The following WDR12 variants were observed in gnomAD, a reference collection of about 807,000 sequenced individuals.
WDR12 encodes the protein WD repeat domain 12.
Under a neutral mutation model 64.3 loss-of-function variants are expected in WDR12, and 42 were observed. The observed-to-expected ratio is 0.65, with a 90% CI of 0.51 to 0.84. The LOEUF (loss-of-function observed/expected upper bound fraction) is 0.84, where lower values mean the gene tolerates loss of function less well. WDR12 is among the 40% of genes least tolerant of loss of function. WDR12 has a pLI of 0.00. For synonymous variants in WDR12, 158 were observed against 173.3 expected (o/e 0.91, Z 0.70); for missense variants, 469 against 494.6 (o/e 0.95, Z 0.49).
chr2:202,911,066 G>A (rs995495331), intron 1 of WDR12, among the ~76,000 whole-genome samples: 8 of 152,036 alleles, frequency 5.3e-5, no homozygotes, highest in Admixed American at 5.2e-4. Context: ...GAGACCACTG[G>A]TTAAAATGTT....
Position 202,884,538 on chromosome 2 carries a change from AG to A in WDR12, c.742-4del. On this transcript the variant is annotated splice_region_variant and splice_polypyrimidine_tract_variant and intron_variant, in intron 8 of 12. Transcript: ENST00000261015. ...CCAGAGAGGGTCACTATGGGAGTCTAGAAAGGAAGAACCCCAAAAGGGGAAA... is the reference window on the plus strand; with the variant it reads ...CCAGAGAGGGTCACTATGGGAGTCTAAAAGGAAGAACCCCAAAAGGGGAAA... 1.2e-6 allele frequency: 2 copies of A among 1,601,928 alleles called. No homozygotes were observed. The highest frequency in any genetic ancestry group is 1.7e-6 in the Non-Finnish European group (2 of 1,177,100).
chr2:202,891,504 G>T (rs988058087), intron 8 of WDR12, among the ~76,000 whole-genome samples: 1 of 152,172 alleles, frequency 6.6e-6, no homozygotes, highest in Non-Finnish European at 1.5e-5. Context: ...GTAAGTGCCA[G>T]ATCTTTCCTC....
chr2:202,895,892 A>C, intron 6 of WDR12, 173 bp downstream of exon 6: 2 of 678,790 alleles, frequency 2.9e-6, no homozygotes, highest in Non-Finnish European at 4.7e-6. Context: ...ATTCAAACTG[A>C]GCAAGTGACT....
chr2:202,899,041 T>G (rs1211783905), intron 4 of WDR12, among the ~76,000 whole-genome samples: 7 of 128,202 alleles, frequency 5.5e-5, no homozygotes, highest in East Asian at 2.2e-4. Flanking sequence ...GGTTTTTTTT[T>G]TTTTTTTTTT....
At chr2:202,884,175 C>A (rs201646386) in intron 10 of WDR12, 23 bp downstream of exon 10, 283 of 1,596,480 alleles carry the variant, frequency 1.8e-4, no homozygotes, top group Non-Finnish European at 2.4e-4. Flanking sequence ...ACATATATTC[C>A]CCCAGTGGTT....
At chr2:202,898,257 T>C (rs1191442801) in intron 4 of WDR12, among the ~76,000 whole-genome samples, 2 of 152,058 alleles carry the variant, frequency 1.3e-5, no homozygotes, top group African/African-American at 4.8e-5. Context: ...TTCAAGTGAT[T>C]CTCCTGCCTC....
chr2:202,881,063 G>T, intron 12 of WDR12, 126 bp from the exon 13 acceptor site: 2 of 741,486 alleles, frequency 2.7e-6, no homozygotes, highest in South Asian at 2.4e-5. Flanking sequence ...CAGTTAACTT[G>T]CATTGAGAGT....
chr2:202,901,271 T>C (rs190027062), intron 2 of WDR12, 152 bp from the exon 3 acceptor site: 4 of 481,656 alleles, frequency 8.3e-6, no homozygotes, highest in Admixed American at 7.9e-5. Context: ...CTTTGTTCTG[T>C]TAGTATAATG....
Position 202,903,503 on chromosome 2 carries a change from G to C in WDR12, c.137-2384C>G, listed in dbSNP as rs542745802. On this transcript the variant is annotated intron_variant, in intron 2 of 12. Transcript: ENST00000261015. ...AGGAAGGAAGGAAGGAAGGAAGGAA[G>C]TGAGGGAGGGAGGGAGGGAGGGAGG... Among the ~76,000 whole-genome samples, 605 of 116,154 alleles carry C rather than the reference G, an allele frequency of 5.2e-3. 4 individuals are homozygous for C. Among genetic ancestry groups the C allele is most frequent in the African/African-American group, 0.017 (575 of 33,622 alleles). The allele number at this position is 116,154 out of a possible 152,430, so 76.2% of individuals were successfully genotyped here.
chr2:202,901,011 G>T lies in WDR12; in HGVS notation c.231+14C>A. The T allele has an allele frequency of 6.4e-7, 1 of 1,569,406 alleles. No homozygotes were observed. The highest frequency in any genetic ancestry group is 1.7e-5 in the Admixed American group (1 of 58,446). On this transcript the variant is annotated intron_variant, in intron 3 of 12. Transcript: ENST00000261015. ...GCCTCAAGTGAAATACAGAAGATAA[G>T]AATTTGAACTTACTGATGAGATGTT...
At chr2:202,911,370 G>T in intron 1 of WDR12, 66 bp downstream of exon 1, 4 of 1,505,724 alleles carry the variant, frequency 2.7e-6, no homozygotes, top group Non-Finnish European at 3.7e-6. Flanking sequence ...GATCCACAAG[G>T]TCATACCAAA....
chr2:202,889,602 A>G (rs1219336291), intron 8 of WDR12, among the ~76,000 whole-genome samples: 1 of 152,142 alleles, frequency 6.6e-6, no homozygotes, highest in African/African-American at 2.4e-5. Context: ...ATAAGTAACC[A>G]TATCAAGTGC....
intron 8 of WDR12, among the ~76,000 whole-genome samples, chr2:202,886,534 C>T (rs967024532): frequency 7.9e-5 from 12 of 151,662 alleles, no homozygotes; most frequent in East Asian, 1.9e-4. Flanking sequence ...TTTGGGAGGC[C>T]GAGGTGGGTG....
At chr2:202,887,742 G>A (rs1410842599) in intron 8 of WDR12, among the ~76,000 whole-genome samples, 3 of 151,256 alleles carry the variant, frequency 2.0e-5, no homozygotes, top group Non-Finnish European at 4.4e-5. Context: ...CAAAAAATTA[G>A]CCGGGCGCGG....
chr2:202,892,622 T>C lies in WDR12; in HGVS notation c.736A>G (p.Thr246Ala). The C allele has an allele frequency of 6.2e-7, 1 of 1,612,150 alleles. No individual in the cohort carries two copies. Among genetic ancestry groups the C allele is most frequent in the Non-Finnish European group, 8.5e-7 (1 of 1,178,580 alleles). Residue 246 changes from threonine to alanine, a missense_variant, in exon 8 of 13, where the codon ACA becomes GCA. Coordinates refer to ENST00000261015, the MANE Select transcript of WDR12 (RefSeq NM_018256.4). ...KKQKTEQLGLTRTPIVTLSGH... is the reference protein window; with the variant it reads ...KKQKTEQLGLARTPIVTLSGH... Reference sequence around the variant, plus strand: ...CAGTTCTCACAAATACTGACCCTTGTTAGTCCCAACTGTTCTGTCTTCTGT... The same window carrying C: ...CAGTTCTCACAAATACTGACCCTTGCTAGTCCCAACTGTTCTGTCTTCTGT...
chr2:202,886,982 T>C (rs1688059686), intron 8 of WDR12, among the ~76,000 whole-genome samples: 2 of 152,172 alleles, frequency 1.3e-5, no homozygotes, highest in Admixed American at 1.3e-4. Flanking sequence ...GTTGTATATT[T>C]TTCTTTGCTG....
At position 202,904,620 on chromosome 2, in the gene WDR12, C is replaced by CA. The variant is rs550098189; in HGVS notation, c.136+3244dup. Among the ~76,000 whole-genome samples, 56 of 151,708 alleles carry CA rather than the reference C, an allele frequency of 3.7e-4. 2 individuals carry two copies. The South Asian group carries it at 9.8e-3, about 26-fold the overall frequency. On this transcript the variant is annotated intron_variant, in intron 2 of 12. Transcript: ENST00000261015. ...GCTGGAAAAACTGGGTATCCATATG[C>CA]AAAAAAAATGAAACTAGACCCCTAT... is the stretch of plus-strand genomic sequence containing the variant.
intron 8 of WDR12, among the ~76,000 whole-genome samples, chr2:202,884,780 C>T (rs1282578618): frequency 6.6e-6 from 1 of 152,152 alleles, no homozygotes. Context: ...TGAATTTGAC[C>T]CCAAATATTA....
At chr2:202,893,073 A>G (rs895447794) in intron 7 of WDR12, among the ~76,000 whole-genome samples, 2 of 152,252 alleles carry the variant, frequency 1.3e-5, no homozygotes, top group Middle Eastern at 3.4e-3. Context: ...AGGATAAAGT[A>G]AACACATGAT....
Sources: gnomAD v4.1 joint callset for allele counts (sites outside exome capture counted in the v4.1 genomes callset) on GRCh38, gnomAD v4.1.1 for gene constraint, MANE v1.5 for transcripts, NCBI Gene and HGNC (gene_info 2026-07-23, HGNC 2026-07-21) for gene names.